Variants in SORCS2 observed in about 807,000 individuals in gnomAD.
SORCS2 encodes the protein sortilin related VPS10 domain containing receptor 2, also known as VPS10 domain-containing receptor SorCS2.
In SORCS2, 100 loss-of-function variants were observed where a neutral mutation model predicts 141.6. The ratio of observed to expected loss-of-function variants is 0.71; its 90% CI spans 0.60 to 0.83. The LOEUF (loss-of-function observed/expected upper bound fraction) is 0.83, where lower values mean the gene tolerates loss of function less well. Ranked by LOEUF, SORCS2 falls within the 40% of genes least tolerant of loss-of-function variation. The pLI is 0.00. For synonymous variants in SORCS2, 789 were observed against 676.9 expected (o/e 1.17, Z -2.57); for missense variants, 1,646 against 1,560.2 (o/e 1.05, Z -0.93).
chr4:7,372,676 C>G (rs1722334486), intron 1 of SORCS2, among the ~76,000 whole-genome samples: 1 of 152,204 alleles, frequency 6.6e-6, no homozygotes, highest in Non-Finnish European at 1.5e-5. Flanking sequence ...GGACGCAACA[C>G]CACAGTTGAG....
intron 3 of SORCS2, among the ~76,000 whole-genome samples, chr4:7,597,708 G>T (rs1176003246): frequency 6.8e-6 from 1 of 147,970 alleles, no homozygotes; most frequent in Non-Finnish European, 1.5e-5. Context: ...GATATTGCAA[G>T]GGGGGAGAGG....
chr4:7,439,229 T>G (rs1727500179), intron 2 of SORCS2, among the ~76,000 whole-genome samples: 2 of 152,102 alleles, frequency 1.3e-5, no homozygotes, highest in Non-Finnish European at 2.9e-5. Flanking sequence ...TGTAACATAT[T>G]CATCCATCCA....
chr4:7,690,795 G>C (rs985936119), intron 11 of SORCS2, among the ~76,000 whole-genome samples: 1 of 152,148 alleles, frequency 6.6e-6, no homozygotes, highest in Admixed American at 6.5e-5. Flanking sequence ...CTAGTTTAGT[G>C]GGGGGAGAAA....
At chr4:7,691,953 CTG>C (rs1467139724) in intron 11 of SORCS2, among the ~76,000 whole-genome samples, 1 of 151,918 alleles carries the variant, frequency 6.6e-6, no homozygotes, top group Non-Finnish European at 1.5e-5. Context: ...CCCCCTCACT[CTG>C]TGGGGGTGTC....
chr4:7,387,685 C>T (rs1415406496), intron 1 of SORCS2, among the ~76,000 whole-genome samples: 3 of 141,208 alleles, frequency 2.1e-5, no homozygotes, highest in African/African-American at 5.6e-5. Context: ...CATACAGGTA[C>T]ACAGAGATAC....
intron 2 of SORCS2, among the ~76,000 whole-genome samples, chr4:7,516,949 C>T (rs1733022426): frequency 6.6e-6 from 1 of 152,202 alleles, no homozygotes; most frequent in Non-Finnish European, 1.5e-5. Flanking sequence ...CTCAGCCCCT[C>T]TACCTCCTCC....
intron 11 of SORCS2, among the ~76,000 whole-genome samples, chr4:7,689,800 G>A (rs1265216136): frequency 6.6e-6 from 1 of 152,276 alleles, no homozygotes; most frequent in African/African-American, 2.4e-5. Flanking sequence ...TGTGTTGGCA[G>A]AATGGAAAGA....
intron 1 of SORCS2, among the ~76,000 whole-genome samples, chr4:7,281,019 C>A (rs1560161539): frequency 6.6e-6 from 1 of 152,188 alleles, no homozygotes; most frequent in Non-Finnish European, 1.5e-5. Context: ...TTGAGTACAG[C>A]CCTGCCACAC....
In SORCS2 at chr4:7,661,486, C is replaced by T; in HGVS notation, c.888-14C>T. ...ACTCCATTCCCGACCCCAGCCTCAG[C>T]TCTTCTTTTCCAGGTCTGTGTCTGG... On this transcript the variant is annotated splice_polypyrimidine_tract_variant and intron_variant, in intron 5 of 26. Coordinates refer to ENST00000507866, the MANE Select transcript of SORCS2 (RefSeq NM_020777.3). The T allele has an allele frequency of 6.4e-7, 1 of 1,551,532 alleles. No homozygotes were observed. The highest frequency in any genetic ancestry group is 8.7e-7 in the Non-Finnish European group (1 of 1,146,922).
Position 7,531,080 on chromosome 4 carries a change from G to C in SORCS2, c.549-450G>C, listed in dbSNP as rs550525679. Among the ~76,000 whole-genome samples, 5 of 152,224 alleles carry C rather than the reference G, an allele frequency of 3.3e-5. No individual in the cohort carries two copies. In the South Asian group the frequency reaches 6.2e-4, roughly 19 times the overall value. The stretch of plus-strand genomic sequence containing the variant: ...AGCAGATAGGCCACAGGAATGCCTC[G>C]GCACAGCCACCAGCCTGAAATCAGA... On this transcript the variant is annotated intron_variant, in intron 2 of 26. Transcript: ENST00000507866.
chr4:7,635,641 C>G (rs764320240), intron 3 of SORCS2, among the ~76,000 whole-genome samples: 2 of 152,150 alleles, frequency 1.3e-5, no homozygotes, highest in African/African-American at 4.8e-5. Context: ...CATAAGCTCC[C>G]CAGTCGTTAG....
intron 2 of SORCS2, among the ~76,000 whole-genome samples, chr4:7,403,982 TATATATATATATA>T (rs1228013978): frequency 1.0e-4 from 2 of 19,796 alleles, no homozygotes; most frequent in East Asian, 1.6e-3. Flanking sequence ...TATATATATA[TATATATATATATA>T]TATTTTTTTT....
At chr4:7,379,956 G>A (rs938277346) in intron 1 of SORCS2, among the ~76,000 whole-genome samples, 1 of 152,200 alleles carries the variant, frequency 6.6e-6, no homozygotes. Context: ...CCTGGTCCCT[G>A]GCTCCCCATC....
At chr4:7,580,849 A>G (rs1375871066) in intron 3 of SORCS2, among the ~76,000 whole-genome samples, 2 of 152,202 alleles carry the variant, frequency 1.3e-5, no homozygotes, top group Non-Finnish European at 2.9e-5. Context: ...GGTGAAAATC[A>G]ATGGAGGAGT....
Position 7,681,609 on chromosome 4 carries a change from T to C in SORCS2, c.1342-1134T>C, listed in dbSNP as rs1011260647. ...GCTGTGGGAGAATACGTGTGTGTTG[T>C]CTGAAGCCACTGGGTTTGTGACCAT... On this transcript the variant is annotated intron_variant, in intron 9 of 26. Transcript: ENST00000507866. 1.3e-4 allele frequency among the ~76,000 whole-genome samples: 20 copies of C among 152,310 alleles called. No homozygotes were observed. The South Asian group carries it at 3.1e-3, about 24-fold the overall frequency.
intron 14 of SORCS2, among the ~76,000 whole-genome samples, chr4:7,705,521 C>G (rs1450115532): frequency 6.6e-6 from 1 of 152,248 alleles, no homozygotes; most frequent in Non-Finnish European, 1.5e-5. Flanking sequence ...ACCTTGTCCT[C>G]TGCTCTGTCC....
At chr4:7,244,937 A>G (rs1054674903) in intron 1 of SORCS2, among the ~76,000 whole-genome samples, 2 of 152,114 alleles carry the variant, frequency 1.3e-5, no homozygotes, top group Admixed American at 1.3e-4. Context: ...TCCTTGGCCA[A>G]TTGGCTGAGA....
At chr4:7,607,018 C>T (rs961673794) in intron 3 of SORCS2, among the ~76,000 whole-genome samples, 2 of 152,186 alleles carry the variant, frequency 1.3e-5, no homozygotes, top group East Asian at 1.9e-4. Flanking sequence ...TTCTCTGAAG[C>T]GATTTCACTA....
intron 1 of SORCS2, among the ~76,000 whole-genome samples, chr4:7,243,467 G>A (rs1004618420): frequency 5.9e-5 from 9 of 152,142 alleles, no homozygotes; most frequent in Non-Finnish European, 1.3e-4. Context: ...GACCAGCTGA[G>A]GGAAAGGTGC....
Sources: allele counts gnomAD v4.1 joint callset (sites outside exome capture counted in the v4.1 genomes callset), GRCh38; gene constraint gnomAD v4.1.1; transcripts MANE v1.5; gene names NCBI Gene and HGNC (gene_info 2026-07-23, HGNC 2026-07-21).